SH3RF3: variants seen among roughly 807,000 people sequenced by gnomAD.
SH3RF3 encodes the protein E3 ubiquitin-protein ligase SH3RF3.
SH3RF3 carries 29 observed loss-of-function variants against 66.3 expected under a neutral mutation model. The observed-to-expected ratio is 0.44, with a 90% CI of 0.33 to 0.60. The LOEUF (loss-of-function observed/expected upper bound fraction) is 0.60, where lower values mean the gene tolerates loss of function less well. Among genes scored for constraint, SH3RF3 ranks in the 20% least tolerant of loss-of-function variants. SH3RF3 has a pLI of 0.04. For synonymous variants in SH3RF3, 583 were observed against 532.0 expected (o/e 1.10, Z -1.32); for missense variants, 1,194 against 1,190.9 (o/e 1.00, Z -0.04).
intron 4 of SH3RF3, 74 bp downstream of exon 4, chr2:109,399,017 C>T: frequency 7.0e-7 from 1 of 1,436,784 alleles, no homozygotes; most frequent in Non-Finnish European, 9.4e-7. Flanking sequence ...GTTCAGTGTC[C>T]CCCGTTCCTC....
At chr2:109,237,507 G>A (rs561297627) in intron 1 of SH3RF3, among the ~76,000 whole-genome samples, 38 of 152,328 alleles carry the variant, frequency 2.5e-4, no homozygotes, top group African/African-American at 5.5e-4. Flanking sequence ...TGTCCAACCC[G>A]CGGCCTGCAG....
intron 4 of SH3RF3, among the ~76,000 whole-genome samples, chr2:109,400,569 C>A (rs1467222935): frequency 1.7e-5 from 2 of 118,196 alleles, no homozygotes; most frequent in Non-Finnish European, 3.9e-5. Context: ...ACATACACAC[C>A]TGTGCGCACA....
At chr2:109,416,922 AAAG>A (rs1312254044) in intron 4 of SH3RF3, among the ~76,000 whole-genome samples, 3 of 151,444 alleles carry the variant, frequency 2.0e-5, no homozygotes, top group Admixed American at 6.6e-5. Flanking sequence ...AAAAAAAAAA[AAAG>A]AATTGTATGT....
At chr2:109,234,802 G>T (rs1485532222) in intron 1 of SH3RF3, among the ~76,000 whole-genome samples, 2 of 152,182 alleles carry the variant, frequency 1.3e-5, no homozygotes, top group Non-Finnish European at 2.9e-5. Context: ...ACTTCCTGGG[G>T]AAATTCAACC....
At chr2:109,457,260 G>A (rs1678085858) in intron 8 of SH3RF3, among the ~76,000 whole-genome samples, 1 of 152,190 alleles carries the variant, frequency 6.6e-6, no homozygotes, top group African/African-American at 2.4e-5. Flanking sequence ...AGAATTAAAT[G>A]ATCCATACAG....
chr2:109,442,191 G>C (rs6542830), intron 7 of SH3RF3, among the ~76,000 whole-genome samples: 71,288 of 151,612 alleles, frequency 0.47, 18,235 homozygotes, highest in Non-Finnish European at 0.55. Flanking sequence ...GGCGCCTGTA[G>C]TCCCAGCTGC....
At chr2:109,332,989 C>T (rs1682322664) in intron 1 of SH3RF3, among the ~76,000 whole-genome samples, 1 of 152,228 alleles carries the variant, frequency 6.6e-6, no homozygotes, top group Non-Finnish European at 1.5e-5. Context: ...CAGAAGACAG[C>T]CTAGCCTGCT....
rs186624478 is a variant in SH3RF3, at chr2:109,373,588, A to G, written c.945+1907A>G. On this transcript the variant is annotated intron_variant, in intron 3 of 9. Coordinates refer to ENST00000309415, the MANE Select transcript of SH3RF3 (RefSeq NM_001099289.3). ...CCGTATGGGTTTTTTTAGGAGGTTC[A>G]AAAGCAGACAGAACTCCTCTGTTGT... Among the ~76,000 whole-genome samples the G allele has an allele frequency of 9.6e-3, 1,423 of 147,894 alleles. 19 individuals are homozygous for G. Among genetic ancestry groups the G allele is most frequent in the African/African-American group, 0.034 (1,354 of 39,558 alleles).
At chr2:109,439,050 A>T (rs149836751) in intron 7 of SH3RF3, among the ~76,000 whole-genome samples, 2 of 152,184 alleles carry the variant, frequency 1.3e-5, no homozygotes, top group Non-Finnish European at 2.9e-5. Context: ...GTCTTTCCAC[A>T]CCAAGCCTTG....
intron 1 of SH3RF3, among the ~76,000 whole-genome samples, chr2:109,134,097 C>T (rs1348383392): frequency 1.3e-5 from 2 of 152,202 alleles, no homozygotes; most frequent in Admixed American, 6.5e-5. Context: ...TACTGAGTGC[C>T]TGCTGCATGC....
intron 7 of SH3RF3, 149 bp downstream of exon 7, chr2:109,437,295 G>A (rs920913453): frequency 3.1e-6 from 4 of 1,308,902 alleles, no homozygotes; most frequent in Non-Finnish European, 4.1e-6. Context: ...AGGAAAACCG[G>A]TTTGGCCCCA....
At chr2:109,204,399 C>T (rs1678757956) in intron 1 of SH3RF3, among the ~76,000 whole-genome samples, 1 of 152,246 alleles carries the variant, frequency 6.6e-6, no homozygotes, top group Non-Finnish European at 1.5e-5. Flanking sequence ...TACCAGTTCA[C>T]ATTCAGGTTT....
At chr2:109,437,683 C>T (rs1480724841) in intron 7 of SH3RF3, among the ~76,000 whole-genome samples, 1 of 151,382 alleles carries the variant, frequency 6.6e-6, no homozygotes. Flanking sequence ...GGAGGAATGA[C>T]AGCTGTTGAT....
intron 2 of SH3RF3, among the ~76,000 whole-genome samples, chr2:109,360,645 A>G (rs556952475): frequency 4.8e-4 from 73 of 152,336 alleles, no homozygotes; most frequent in Admixed American, 9.1e-4. Flanking sequence ...TAGGAAAGCA[A>G]TTGACTTTTG....
In SH3RF3 at chr2:109,170,299, CT is replaced by C. The variant is rs1343673914; in HGVS notation, c.573+40188del. 2.3e-3 allele frequency among the ~76,000 whole-genome samples: 282 copies of C among 123,298 alleles called. 3 individuals carry two copies. The highest frequency in any genetic ancestry group is 0.017 in the East Asian group (52 of 3,030). 80.9% of individuals were successfully genotyped at this position (123,298 alleles called of 152,430 possible). A position where few individuals can be genotyped will look rare whatever the true frequency, so the allele number is the denominator to read the frequency against. On this transcript the variant is annotated intron_variant, in intron 1 of 9. Transcript: ENST00000309415. ...CTTCTCTTCTCTTCTCTTCTCTTCT[CT>C]TCTCTTCTCTTCTCTCCTCTCTCTC...
At chr2:109,464,541 T>C (rs1678290182) in intron 8 of SH3RF3, among the ~76,000 whole-genome samples, 1 of 152,192 alleles carries the variant, frequency 6.6e-6, no homozygotes, top group Non-Finnish European at 1.5e-5. Context: ...TACATACACA[T>C]CCTGCAGAGT....
chr2:109,392,420 T>C (rs1401920216), intron 3 of SH3RF3, among the ~76,000 whole-genome samples: 2 of 152,172 alleles, frequency 1.3e-5, no homozygotes, highest in Non-Finnish European at 2.9e-5. Context: ...CACATTGCTG[T>C]CACCTCGTGG....
rs868464074 is a variant in SH3RF3 at position 109,347,721 on chromosome 2, G to A, written c.621G>A (p.Gly207=). 6 of 1,613,888 alleles carry A rather than the reference G, an allele frequency of 3.7e-6. No homozygotes were observed. The Middle Eastern group carries it at 9.9e-4, about 266-fold the overall frequency. Residue 207 remains glycine, a synonymous_variant, in exon 2 of 10, where the codon GGG becomes GGA. Transcript: ENST00000309415. The stretch of plus-strand genomic sequence containing the variant: ...GCAAGGCCCTCTACAGCTACGAGGG[G>A]AAGGAACCTGGTGACCTCAAGTTCA... ...PYGKALYSYE[G]KEPGDLKFNK...
intron 3 of SH3RF3, among the ~76,000 whole-genome samples, chr2:109,389,428 A>G (rs1675919484): frequency 6.6e-6 from 1 of 152,208 alleles, no homozygotes; most frequent in Non-Finnish European, 1.5e-5. Context: ...CCGAGGGCAT[A>G]CCGCATGAGT....
Sources: gnomAD v4.1 joint callset for allele counts (sites outside exome capture counted in the v4.1 genomes callset) on GRCh38, gnomAD v4.1.1 for gene constraint, MANE v1.5 for transcripts, NCBI Gene and HGNC (gene_info 2026-07-23, HGNC 2026-07-21) for gene names.